The following PLCB4 variants were observed in gnomAD, a reference collection of about 807,000 sequenced individuals.
PLCB4 encodes the protein 1-phosphatidylinositol 4,5-bisphosphate phosphodiesterase beta-4.
A neutral mutation model predicts 178.8 loss-of-function variants in PLCB4; 77 were observed. The ratio of observed to expected loss-of-function variants is 0.43; its 90% CI spans 0.36 to 0.52. PLCB4 has a LOEUF of 0.52. Among genes scored for constraint, PLCB4 ranks in the 20% least tolerant of loss-of-function variants. The pLI is 0.00. For missense variants in PLCB4, 1,024 were observed against 1,453.4 expected, an observed-to-expected ratio of 0.70 and a Z score of 4.80; for synonymous variants, 496 against 490.8, an observed-to-expected ratio of 1.01 and a Z score of -0.14.
intron 2 of PLCB4, among the ~76,000 whole-genome samples, chr20:9,155,044 A>G (rs2092764042): frequency 6.6e-6 from 1 of 151,122 alleles, no homozygotes; most frequent in Non-Finnish European, 1.5e-5. Flanking sequence ...TAGTGCACCT[A>G]TCACACAAGC....
intron 3 of PLCB4, among the ~76,000 whole-genome samples, chr20:9,306,887 T>G (rs1391589836): frequency 6.6e-6 from 1 of 152,166 alleles, no homozygotes; most frequent in East Asian, 1.9e-4. Context: ...ATAAAACTGT[T>G]GCAGGACTTT....
Position 9,384,268 on chromosome 20 carries a change from T to C in PLCB4, c.921T>C (p.Asp307=), listed in dbSNP as rs1311539943. The C allele has an allele frequency of 6.2e-7, 1 of 1,614,138 alleles. No homozygotes were observed. Among genetic ancestry groups the C allele is most frequent in the East Asian group, 2.2e-5 (1 of 44,884 alleles). The change falls in exon 14 of 40, where the codon GAT becomes GAC. Residue 307 remains aspartate, a synonymous_variant. Transcript: ENST00000378473. ...ATGAAAACGCCCCAGTCTTCCTAGA[T>C]CGTTTAGAACTTTACCAAGAAATGG... ...MSDENAPVFL[D]RLELYQEMDH...
chr20:9,091,690 C>T (rs1211903050), intron 1 of PLCB4, among the ~76,000 whole-genome samples: 1 of 151,050 alleles, frequency 6.6e-6, no homozygotes, highest in African/African-American at 2.4e-5. Flanking sequence ...AAGTGCCTAA[C>T]ACCTCACCTG....
rs117788328 is a variant in PLCB4 at position 9,421,825 on chromosome 20, C to G, written c.2319+364C>G. ...TTTAGCCAAGTAGTCAGGTAAGATG[C>G]TGCACTCCAAAATTTTGGTCAATAG... On this transcript the variant is annotated intron_variant, in intron 27 of 39. Transcript: ENST00000378473. Among the ~76,000 whole-genome samples the G allele has an allele frequency of 2.3e-4, 35 of 152,316 alleles. No homozygotes were observed. The East Asian group carries it at 6.2e-3, about 27-fold the overall frequency.
At chr20:9,316,495 A>G (rs1267781865) in intron 4 of PLCB4, among the ~76,000 whole-genome samples, 1 of 152,248 alleles carries the variant, frequency 6.6e-6, no homozygotes, top group Non-Finnish European at 1.5e-5. Flanking sequence ...GGAGAAGACC[A>G]GGACTTTAAG....
chr20:9,173,285 G>C (rs1289785912), intron 2 of PLCB4, among the ~76,000 whole-genome samples: 1 of 152,144 alleles, frequency 6.6e-6, no homozygotes, highest in African/African-American at 2.4e-5. Context: ...CATACTTTTG[G>C]TCCTGCACAG....
At position 9,407,946 on chromosome 20, in the gene PLCB4, G is replaced by A. The variant is rs35479108; in HGVS notation, c.1677G>A (p.Ala559=). The A allele has an allele frequency of 1.1e-4, 177 of 1,613,692 alleles. No individual in the cohort carries two copies. In the African/African-American group the frequency reaches 1.6e-3, roughly 15 times the overall value. Residue 559 remains alanine (A), a synonymous_variant, in exon 22 of 40, where the codon GCG becomes GCA. Coordinates refer to ENST00000378473, the MANE Select transcript of PLCB4 (RefSeq NM_001377142.1). ...TGGTCACTGTAGAAGATGAGCAGGC[G>A]TGGATGGCATCTTATAAATATGTAG... ...KGLVTVEDEQ[A]WMASYKYVGA...
chr20:9,249,347 G>A (rs1420097351), intron 3 of PLCB4, among the ~76,000 whole-genome samples: 2 of 151,932 alleles, frequency 1.3e-5, no homozygotes, highest in Non-Finnish European at 2.9e-5. Context: ...TCTCTCTGTC[G>A]CCTAGGCTGG....
chr20:9,381,911 A>C (rs2037174802), intron 13 of PLCB4, among the ~76,000 whole-genome samples: 1 of 152,152 alleles, frequency 6.6e-6, no homozygotes, highest in African/African-American at 2.4e-5. Context: ...TGCTCCACCT[A>C]TATTCACTCT....
chr20:9,198,567 A>G (rs2093501919), intron 2 of PLCB4, among the ~76,000 whole-genome samples: 1 of 152,236 alleles, frequency 6.6e-6, no homozygotes, highest in South Asian at 2.1e-4. Context: ...AATAAGGTCA[A>G]AATGATTTAG....
At chr20:9,339,286 T>A (rs1434647305) in intron 7 of PLCB4, among the ~76,000 whole-genome samples, 1 of 152,142 alleles carries the variant, frequency 6.6e-6, no homozygotes, top group African/African-American at 2.4e-5. Flanking sequence ...CTTCTCCAAC[T>A]TGAGTGTATA....
In PLCB4 at chr20:9,093,325, C is replaced by G. The variant is rs544445785; in HGVS notation, c.-134-2962C>G. On this transcript the variant is annotated intron_variant, in intron 1 of 39. Transcript: ENST00000378473. ...TGTAACTCGTTCGTAATTATTAACCCTACCCTCCCTCCTCTGACCCTCAGT... is the reference window on the plus strand; with the variant it reads ...TGTAACTCGTTCGTAATTATTAACCGTACCCTCCCTCCTCTGACCCTCAGT... Among the ~76,000 whole-genome samples the G allele has an allele frequency of 9.9e-5, 15 of 152,268 alleles. No homozygotes were observed. The South Asian group carries it at 2.7e-3, about 27-fold the overall frequency.
At chr20:9,365,012 A>T (rs549933860) in intron 8 of PLCB4, among the ~76,000 whole-genome samples, 1 of 152,284 alleles carries the variant, frequency 6.6e-6, no homozygotes, top group East Asian at 1.9e-4. Flanking sequence ...GTGCAGTTGC[A>T]TTTCCCACCA....
intron 2 of PLCB4, among the ~76,000 whole-genome samples, chr20:9,164,539 T>C (rs1333774940): frequency 6.6e-6 from 1 of 152,182 alleles, no homozygotes; most frequent in East Asian, 1.9e-4. Flanking sequence ...TTAGAATCTA[T>C]ATAAACTGAA....
At chr20:9,238,672 G>C (rs571050302) in intron 3 of PLCB4, among the ~76,000 whole-genome samples, 1 of 152,078 alleles carries the variant, frequency 6.6e-6, no homozygotes, top group Non-Finnish European at 1.5e-5. Flanking sequence ...GAGGCTTTTA[G>C]TACAATTTTC....
At chr20:9,106,560 CAA>C (rs2091372655) in intron 2 of PLCB4, among the ~76,000 whole-genome samples, 1 of 151,608 alleles carries the variant, frequency 6.6e-6, no homozygotes, top group South Asian at 2.1e-4. Context: ...CACACACACA[CAA>C]AATGTTCATC....
chr20:9,365,601 T>C, intron 9 of PLCB4, 87 bp downstream of exon 9: 1 of 716,088 alleles, frequency 1.4e-6, no homozygotes, highest in Non-Finnish European at 2.5e-6. Context: ...CAAGTATTTG[T>C]GTGTTAAATG....
At chr20:9,131,661 T>G (rs1367817398) in intron 2 of PLCB4, among the ~76,000 whole-genome samples, 3 of 152,160 alleles carry the variant, frequency 2.0e-5, no homozygotes, top group Non-Finnish European at 4.4e-5. Context: ...AAGAATCTGG[T>G]TTACAAGGAA....
At chr20:9,141,629 A>T (rs537008532) in intron 2 of PLCB4, among the ~76,000 whole-genome samples, 9 of 152,256 alleles carry the variant, frequency 5.9e-5, no homozygotes, top group African/African-American at 2.2e-4. Context: ...AACACTCCAT[A>T]TGTATCTCCG....
Sources: gnomAD v4.1 joint callset for allele counts (sites outside exome capture counted in the v4.1 genomes callset) on GRCh38, gnomAD v4.1.1 for gene constraint, MANE v1.5 for transcripts, NCBI Gene and HGNC (gene_info 2026-07-23, HGNC 2026-07-21) for gene names.